PEX10: variants seen among roughly 807,000 people sequenced by gnomAD.
PEX10 encodes peroxisome biogenesis factor 10.
PEX10 carries 32 observed loss-of-function variants against 38.0 expected under a neutral mutation model. The ratio of observed to expected loss-of-function variants is 0.84; its 90% confidence interval spans 0.63 to 1.13. PEX10 has a LOEUF of 1.13. Ranked by LOEUF, PEX10 falls within the 50% of genes most tolerant of loss-of-function variation. PEX10 has a pLI of 0.00. For missense variants in PEX10, 483 were observed against 457.7 expected, an observed-to-expected ratio of 1.06 and a Z score of -0.51; for synonymous variants, 206 against 207.3, an observed-to-expected ratio of 0.99 and a Z score of 0.05.
At position 2,408,909 on chromosome 1, in the gene PEX10, C is replaced by A. The variant is rs369786539; in HGVS notation, c.194-51G>T. 1.9e-6 allele frequency: 3 copies of A among 1,582,058 alleles called. No homozygotes were observed. In the Admixed American group the frequency reaches 5.1e-5, roughly 27 times the overall value. On this transcript the variant is annotated intron_variant, in intron 2 of 5. Transcript: ENST00000447513. The stretch of plus-strand genomic sequence containing the variant: ...GACCCTGAGACTGCTGCCGCGGGGA[C>A]AGGCTCCCGGCGCCCCTGCCAGCCG...
intron 1 of PEX10, among the ~76,000 whole-genome samples, chr1:2,411,910 C>T (rs1643242397): frequency 6.6e-6 from 1 of 152,190 alleles, no homozygotes; most frequent in South Asian, 2.1e-4. Flanking sequence ...GTCAGCAGGG[C>T]GAGGGGCCTG....
intron 5 of PEX10, 56 bp from the exon 6 acceptor site, chr1:2,405,890 C>A: frequency 7.4e-7 from 1 of 1,352,190 alleles, no homozygotes; most frequent in South Asian, 1.2e-5. Flanking sequence ...CATGCCCATC[C>A]CCATCGGCAT....
Position 2,410,597 on chromosome 1 carries a change from G to A in PEX10, c.113-146C>T. The A allele has an allele frequency of 1.4e-6, 1 of 723,016 alleles. No individual in the cohort carries two copies. Among genetic ancestry groups the A allele is most frequent in the Admixed American group, 2.0e-5 (1 of 49,142 alleles). 44.8% of individuals were successfully genotyped at this position (723,016 alleles called of 1,614,324 possible). On this transcript the variant is annotated intron_variant, in intron 1 of 5. Coordinates refer to ENST00000447513, the MANE Select transcript of PEX10 (RefSeq NM_002617.4). The surrounding 1 kb of genome is among the most constrained non-coding windows in gnomAD (Gnocchi z 5.1). Reference sequence around the variant, plus strand: ...CACTCACTCCCTGGCCTCCCTCTCTGCTTCTGTCTCCGGAGGCACCACCTT... The same window carrying A: ...CACTCACTCCCTGGCCTCCCTCTCTACTTCTGTCTCCGGAGGCACCACCTT...
Position 2,410,797 on chromosome 1 carries a change from G to C in PEX10, c.113-346C>G, listed in dbSNP as rs1199941048. The C allele has an allele frequency of 2.1e-6, 1 of 476,262 alleles. No individual in the cohort carries two copies. Among genetic ancestry groups the C allele is most frequent in the Non-Finnish European group, 4.2e-6 (1 of 240,368 alleles). The allele number at this position is 476,262 out of a possible 1,614,324, so 29.5% of individuals were successfully genotyped here. A position where few individuals can be genotyped will look rare whatever the true frequency, so the allele number is the denominator to read the frequency against. ...GCCAACTGTCTAGCATCAAAAAGCA[G>C]CTCTCCAACTTGCTGGCTGTGAGGT... On this transcript the variant is annotated intron_variant, in intron 1 of 5. Transcript: ENST00000447513. The surrounding 1 kb of genome is among the most constrained non-coding windows in gnomAD (Gnocchi z 5.1).
At chr1:2,413,637 TTTGGCCCCAAGGGCAGCAC>T (rs1643367975), upstream of PEX10, 2 of 152,526 alleles carry the variant, frequency 1.3e-5, no homozygotes, top group South Asian at 2.1e-4. Flanking sequence ...GGCCCTGTTT[TTTGGCCCCAAGGGCAGCAC>T]TTGGCCCTGG....
upstream of PEX10, chr1:2,413,826 A>G (rs926338352): frequency 2.0e-5 from 3 of 152,312 alleles, no homozygotes; most frequent in African/African-American, 7.2e-5. Context: ...CAGCCCAGTC[A>G]CAAAGCCAGA....
At chr1:2,407,776 G>T (rs61373429) in intron 3 of PEX10, among the ~76,000 whole-genome samples, 1,735 of 152,274 alleles carry the variant, frequency 0.011, 46 homozygotes, top group African/African-American at 0.039. Context: ...CAGCTCTAGG[G>T]ACAAAAGGAA....
chr1:2,412,735 A>AGGGCG (rs1022079482), upstream of PEX10, among the ~76,000 whole-genome samples: 17 of 150,470 alleles, frequency 1.1e-4, no homozygotes, highest in African/African-American at 3.9e-4. Context: ...TCGGAGGCGC[A>AGGGCG]GGGCGGAGCG....
At chr1:2,405,922 C>T (rs776893505) in intron 5 of PEX10, 88 bp from the exon 6 acceptor site, 14 of 977,346 alleles carry the variant, frequency 1.4e-5, no homozygotes, top group Admixed American at 2.0e-5. Flanking sequence ...TCCACATTCT[C>T]TGCACATGAC....
intron 3 of PEX10, among the ~76,000 whole-genome samples, chr1:2,408,133 G>GGATCTGTGGTGAGGCGTGACCC (rs1643069666): frequency 6.6e-6 from 1 of 152,136 alleles, no homozygotes; most frequent in Non-Finnish European, 1.5e-5. Context: ...CCAGGTTCAG[G>GGATCTGTGGTGAGGCGTGACCC]GATCTGTGGT....
At position 2,406,541 on chromosome 1, in the gene PEX10, G is replaced by T. The variant is rs1171635215; in HGVS notation, c.855C>A (p.Ala285=). ...AGCAGAACAGGTGGCCGCAGGGCGT[G>T]GCTGTTGGGTGCCTGCGCTCCTCCA... is the stretch of plus-strand genomic sequence containing the variant. ...LCLEERRHPT[A]TPCGHLFCWE... The change falls in exon 5 of 6, where the codon GCC becomes GCA. Residue 285 remains alanine, a synonymous_variant. Transcript: ENST00000447513. The T allele has an allele frequency of 5.6e-6, 9 of 1,613,170 alleles. No homozygotes were observed. Among genetic ancestry groups the T allele is most frequent in the African/African-American group, 1.3e-5 (1 of 74,934 alleles).
chr1:2,408,334 T>C (rs1426580236), intron 3 of PEX10, 118 bp downstream of exon 3: 36 of 1,113,680 alleles, frequency 3.2e-5, no homozygotes, highest in Non-Finnish European at 6.8e-6. Flanking sequence ...ACACAGATGC[T>C]GGATGTAGAA....
chr1:2,407,888 G>A (rs57464405), intron 3 of PEX10, among the ~76,000 whole-genome samples: 2 of 152,256 alleles, frequency 1.3e-5, no homozygotes, highest in East Asian at 1.9e-4. Flanking sequence ...GTGGGACCAC[G>A]GGGGAGGCTT....
At position 2,410,523 on chromosome 1, in the gene PEX10, C is replaced by T; in HGVS notation, c.113-72G>A. 4 of 1,347,562 alleles carry T rather than the reference C, an allele frequency of 3.0e-6. No homozygotes were observed. The highest frequency in any genetic ancestry group is 4.2e-6 in the Non-Finnish European group (4 of 952,498). 83.5% of individuals were successfully genotyped at this position (1,347,562 alleles called of 1,614,324 possible). A position where few individuals can be genotyped will look rare whatever the true frequency, so the allele number is the denominator to read the frequency against. On this transcript the variant is annotated intron_variant, in intron 1 of 5. Coordinates refer to ENST00000447513, the MANE Select transcript of PEX10 (RefSeq NM_002617.4). This position sits in a 1 kb window ranked among gnomAD's most constrained non-coding sequence, Gnocchi z 5.1. ...CTGAGGATGAGGGACCACAGTCCTC[C>T]CCCAGTTGTCTAGGCCCAGATCCAG...
chr1:2,410,674 G>A lies in PEX10; in HGVS notation c.113-223C>T, dbSNP rs1034981559. ...AGTCTGCGAAGAATCTCCCACCTGTGCTCATCTCTTGCTCCGGGATTCCCC... is the reference window on the plus strand; with the variant it reads ...AGTCTGCGAAGAATCTCCCACCTGTACTCATCTCTTGCTCCGGGATTCCCC... On this transcript the variant is annotated intron_variant, in intron 1 of 5. Transcript: ENST00000447513. The surrounding 1 kb of genome is among the most constrained non-coding windows in gnomAD (Gnocchi z 5.1). 6.5e-6 allele frequency: 4 copies of A among 613,966 alleles called. No individual in the cohort carries two copies. Among genetic ancestry groups the A allele is most frequent in the East Asian group, 6.8e-5 (2 of 29,570 alleles). The allele number at this position is 613,966 out of a possible 1,614,324, so 38.0% of individuals were successfully genotyped here.
At chr1:2,412,346 C>A (rs1270991479) in intron 1 of PEX10, 45 bp downstream of exon 1, 2 of 1,347,262 alleles carry the variant, frequency 1.5e-6, no homozygotes, top group East Asian at 6.3e-5. Flanking sequence ...GGGGCAACAC[C>A]CCCTGGGCCG....
Position 2,412,522 on chromosome 1 carries a change from C to T in PEX10, c.-20G>A, listed in dbSNP as rs1228672056. On this transcript the variant is annotated 5_prime_UTR_variant, in exon 1 of 6. Transcript: ENST00000447513. ...GGCCATGGCCGCGGGTTCGGGTGGTCCCGAGCAGCCACGCCGGCCACGCCC... is the reference window on the plus strand; with the variant it reads ...GGCCATGGCCGCGGGTTCGGGTGGTTCCGAGCAGCCACGCCGGCCACGCCC... 2 of 1,330,302 alleles carry T rather than the reference C, an allele frequency of 1.5e-6. No homozygotes were observed. The highest frequency in any genetic ancestry group is 3.1e-5 in the African/African-American group (2 of 64,682). 82.4% of individuals were successfully genotyped at this position (1,330,302 alleles called of 1,614,324 possible).
At chr1:2,407,394 G>A (rs746145292) in intron 3 of PEX10, among the ~76,000 whole-genome samples, 2 of 152,206 alleles carry the variant, frequency 1.3e-5, no homozygotes, top group Non-Finnish European at 2.9e-5. Flanking sequence ...TCGGCTTCCC[G>A]TGTCACTTTC....
chr1:2,412,555 G>A lies in PEX10; in HGVS notation c.-53C>T. The A allele has an allele frequency of 8.0e-7, 1 of 1,247,178 alleles. No individual in the cohort carries two copies. Among genetic ancestry groups the A allele is most frequent in the Non-Finnish European group, 1.0e-6 (1 of 981,030 alleles). 77.3% of individuals were successfully genotyped at this position (1,247,178 alleles called of 1,614,324 possible). The stretch of plus-strand genomic sequence containing the variant: ...GCCACGCCGGCCACGCCCACGCCCA[G>A]ACGGGCGAGAACTGATGACGGCACG... On this transcript the variant is annotated 5_prime_UTR_variant, in exon 1 of 6. Transcript: ENST00000447513.
Sources: allele counts gnomAD v4.1 joint callset (sites outside exome capture counted in the v4.1 genomes callset), GRCh38; gene constraint gnomAD v4.1.1; non-coding constraint Gnocchi (gnomAD v3.1); transcripts MANE v1.5; gene names NCBI Gene and HGNC (gene_info 2026-07-23, HGNC 2026-07-21).